GIPC2: variants seen among roughly 807,000 people sequenced by gnomAD.
GIPC2 encodes the protein PDZ domain-containing protein GIPC2.
Under a neutral mutation model 30.6 loss-of-function variants are expected in GIPC2, and 30 were observed. The observed-to-expected ratio is 0.98, with a 90% CI of 0.73 to 1.33. The LOEUF is 1.33. Ranked by LOEUF, GIPC2 falls within the 40% of genes most tolerant of loss-of-function variation. GIPC2 has a pLI of 0.00. For synonymous variants in GIPC2, 167 were observed against 150.0 expected (o/e 1.11, Z -0.83); for missense variants, 414 against 390.3 (o/e 1.06, Z -0.51).
At chr1:78,046,451 C>T (rs750252814) in intron 1 of GIPC2, 117 bp downstream of exon 1, 4 of 899,320 alleles carry the variant, frequency 4.4e-6, no homozygotes, top group East Asian at 2.8e-5. Context: ...AATCCGATGC[C>T]GTGTTGAGTC....
At chr1:78,053,018 G>C (rs996612804) in intron 1 of GIPC2, among the ~76,000 whole-genome samples, 39 of 152,142 alleles carry the variant, frequency 2.6e-4, no homozygotes, top group African/African-American at 9.4e-4. Context: ...TTACTGATTT[G>C]CATATAGCAC....
intron 3 of GIPC2, among the ~76,000 whole-genome samples, chr1:78,110,082 T>C (rs969507633): frequency 1.3e-5 from 2 of 152,002 alleles, no homozygotes; most frequent in African/African-American, 4.8e-5. Flanking sequence ...ATATACCTAA[T>C]GTAAATGACG....
chr1:78,060,514 A>G (rs954277113), intron 1 of GIPC2, among the ~76,000 whole-genome samples: 3 of 152,118 alleles, frequency 2.0e-5, no homozygotes, highest in East Asian at 1.9e-4. Flanking sequence ...TCCTCTTCCC[A>G]TTAACCTGTT....
chr1:78,080,621 C>T (rs554579211), intron 1 of GIPC2, 54 bp from the exon 2 acceptor site: 41 of 900,542 alleles, frequency 4.6e-5, no homozygotes, highest in African/African-American at 1.5e-4. Flanking sequence ...AATAAATTAA[C>T]GGTCAGATGT....
At chr1:78,063,883 C>T (rs559850469) in intron 1 of GIPC2, among the ~76,000 whole-genome samples, 2 of 137,812 alleles carry the variant, frequency 1.5e-5, no homozygotes, top group Admixed American at 7.6e-5. Flanking sequence ...CAGAGCAAGA[C>T]TCTGTCTCAA....
At chr1:78,073,167 G>A (rs551870933) in intron 1 of GIPC2, among the ~76,000 whole-genome samples, 2 of 150,248 alleles carry the variant, frequency 1.3e-5, no homozygotes, top group African/African-American at 4.9e-5. Flanking sequence ...ACAGTGGCCC[G>A]ATCTCAGCTC....
At chr1:78,096,489 C>G (rs1294687470) in intron 3 of GIPC2, among the ~76,000 whole-genome samples, 1 of 146,324 alleles carries the variant, frequency 6.8e-6, no homozygotes, top group East Asian at 2.0e-4. Flanking sequence ...GTAAATTTTT[C>G]TGTTTTTTTT....
Position 78,046,296 on chromosome 1 carries a change from G to T in GIPC2, c.202G>T (p.Ala68Ser), listed in dbSNP as rs147346849. 40 of 1,611,660 alleles carry T rather than the reference G, an allele frequency of 2.5e-5. No individual in the cohort carries two copies. In the African/African-American group the frequency reaches 5.1e-4, roughly 20 times the overall value. Reference sequence around the variant, plus strand: ...CTTCTCCAGCATCCAGGAGCTCTACGCCCAGATCGCGGGCGCGTTTGAAAT... The same window carrying T: ...CTTCTCCAGCATCCAGGAGCTCTACTCCCAGATCGCGGGCGCGTTTGAAAT... The part of the protein sequence containing the change: ...EGFSSIQELY[A>S]QIAGAFEISP... The change falls in exon 1 of 6, where the codon GCC becomes TCC. Residue 68 changes from alanine to serine, a missense_variant. Ala to Ser is a moderately conservative substitution (Grantham distance 99). Transcript: ENST00000370759.
chr1:78,127,907 T>G (rs1296622477), intron 5 of GIPC2, among the ~76,000 whole-genome samples: 1 of 152,184 alleles, frequency 6.6e-6, no homozygotes, highest in Non-Finnish European at 1.5e-5. Flanking sequence ...GGGGTCTTGC[T>G]ATGTTGCTCA....
chr1:78,046,110 C>A lies in GIPC2; in HGVS notation c.16C>A (p.Arg6=), dbSNP rs1441111093. 1 of 1,477,136 alleles carries A rather than the reference C, an allele frequency of 6.8e-7. No homozygotes were observed. The allele number at this position is 1,477,136 out of a possible 1,614,324, so 91.5% of individuals were successfully genotyped here. Residue 6 remains arginine, a synonymous_variant, in exon 1 of 6, where the codon CGG becomes AGG. Coordinates refer to ENST00000370759, the MANE Select transcript of GIPC2 (RefSeq NM_017655.6). MPLKL[R]GKKKAKSKET... Reference sequence around the variant, plus strand: ...GCCCTGCAAGATGCCCCTGAAGCTGCGGGGGAAGAAGAAGGCCAAGTCCAA... The same window carrying A: ...GCCCTGCAAGATGCCCCTGAAGCTGAGGGGGAAGAAGAAGGCCAAGTCCAA...
chr1:78,087,306 A>G (rs1661948653), intron 2 of GIPC2, among the ~76,000 whole-genome samples: 1 of 152,214 alleles, frequency 6.6e-6, no homozygotes, highest in South Asian at 2.1e-4. Context: ...CCTAAGCAAA[A>G]AGAACAAAGC....
intron 5 of GIPC2, among the ~76,000 whole-genome samples, chr1:78,128,491 G>A (rs1367411510): frequency 6.6e-6 from 1 of 152,166 alleles, no homozygotes; most frequent in Non-Finnish European, 1.5e-5. Context: ...AAGGAAATAT[G>A]TAACATATAA....
At chr1:78,087,234 A>G (rs1213450481) in intron 2 of GIPC2, among the ~76,000 whole-genome samples, 1 of 152,212 alleles carries the variant, frequency 6.6e-6, no homozygotes, top group Non-Finnish European at 1.5e-5. Context: ...AGAACTATAA[A>G]AAATTATTTT....
At chr1:78,115,970 C>T (rs1662560047) in intron 3 of GIPC2, among the ~76,000 whole-genome samples, 1 of 152,118 alleles carries the variant, frequency 6.6e-6, no homozygotes, top group Admixed American at 6.5e-5. Context: ...GGGAATTATC[C>T]TGGTTTATTA....
At chr1:78,088,015 GATCATTAGAGAAATGCAA>G (rs1324015557) in intron 2 of GIPC2, among the ~76,000 whole-genome samples, 1 of 152,038 alleles carries the variant, frequency 6.6e-6, no homozygotes, top group Non-Finnish European at 1.5e-5. Context: ...GAACCTCACT[GATCATTAGAGAAATGCAA>G]ATCAAAACCA....
At chr1:78,069,596 C>A (rs192500867) in intron 1 of GIPC2, among the ~76,000 whole-genome samples, 1 of 151,568 alleles carries the variant, frequency 6.6e-6, no homozygotes, top group Non-Finnish European at 1.5e-5. Context: ...ACCTCAGCCT[C>A]CTGAGTAGCT....
At chr1:78,045,200 G>A (rs1661045191), upstream of GIPC2, 2 of 383,858 alleles carry the variant, frequency 5.2e-6, no homozygotes, top group Non-Finnish European at 7.1e-6. Context: ...TAGTGTGGGG[G>A]CAAAGTCTGA....
intron 3 of GIPC2, among the ~76,000 whole-genome samples, chr1:78,103,638 T>C (rs749159723): frequency 9.2e-5 from 14 of 152,204 alleles, no homozygotes; most frequent in Admixed American, 4.6e-4. Flanking sequence ...TCTCGAGGCT[T>C]GTGCTCTGAA....
At position 78,137,688 on chromosome 1, in the gene GIPC2, C is replaced by T. The variant is rs946144293; in HGVS notation, c.*1945C>T. The T allele has an allele frequency of 6.6e-6, 1 of 152,136 alleles. No individual in the cohort carries two copies. Among genetic ancestry groups the T allele is most frequent in the Admixed American group, 6.5e-5 (1 of 15,268 alleles). The allele number at this position is 152,136 out of a possible 1,614,324, so 9.4% of individuals were successfully genotyped here. A position where few individuals can be genotyped will look rare whatever the true frequency, so the allele number is the denominator to read the frequency against. ...CCTGGGCTTCAACTGGGCCCAAGTA[C>T]TCTATATACTGCCTGTAATAGGTTT... On this transcript the variant is annotated 3_prime_UTR_variant, in exon 6 of 6. Coordinates refer to ENST00000370759, the MANE Select transcript of GIPC2 (RefSeq NM_017655.6).
Sources: gnomAD v4.1 joint callset for allele counts (sites outside exome capture counted in the v4.1 genomes callset) on GRCh38, gnomAD v4.1.1 for gene constraint, MANE v1.5 for transcripts, NCBI Gene and HGNC (gene_info 2026-07-23, HGNC 2026-07-21) for gene names.